ATP10B: variants seen among roughly 807,000 people sequenced by gnomAD.
ATP10B encodes the protein ATPase phospholipid transporting 10B (putative).
Under a neutral mutation model 141.2 loss-of-function variants are expected in ATP10B, and 122 were observed. That is an observed-to-expected ratio of 0.86 (90% CI 0.75 to 1.00). The LOEUF is 1.00. Among genes scored for constraint, ATP10B ranks in the 50% least tolerant of loss-of-function variants. ATP10B has a pLI of 0.00. For missense variants in ATP10B, 1,876 were observed against 1,825.3 expected (o/e 1.03, Z -0.51); for synonymous variants, 685 against 692.0 (o/e 0.99, Z 0.16).
At chr5:160,881,411 A>C in the ATP10B span, among the ~76,000 whole-genome samples, 1 of 152,218 alleles carries the variant, frequency 6.6e-6, no homozygotes, top group Non-Finnish European at 1.5e-5. Flanking sequence ...ACATACTATT[A>C]CCATATAATC....
intron 2 of ATP10B, among the ~76,000 whole-genome samples, chr5:160,756,659 A>AT (rs1416912105): frequency 2.0e-5 from 3 of 151,630 alleles, no homozygotes; most frequent in Non-Finnish European, 2.9e-5. Context: ...GCCATCCGTA[A>AT]TTTTTTTGAT....
chr5:160,634,255 C>T, intron 12 of ATP10B, 99 bp downstream of exon 12: 3 of 1,571,082 alleles, frequency 1.9e-6, no homozygotes, highest in Non-Finnish European at 2.6e-6. Flanking sequence ...CACACAGCCT[C>T]TAAGAGAGCC....
chr5:160,897,359 T>C, the ATP10B span, among the ~76,000 whole-genome samples: 1 of 152,118 alleles, frequency 6.6e-6, no homozygotes, highest in African/African-American at 2.4e-5. Flanking sequence ...AGATAAGAAA[T>C]CAATGTGTAA....
intron 1 of ATP10B, among the ~76,000 whole-genome samples, chr5:160,825,323 ATAATT>A (rs1419318587): frequency 6.6e-6 from 1 of 152,130 alleles, no homozygotes; most frequent in African/African-American, 2.4e-5. Flanking sequence ...CCAGTGGGAG[ATAATT>A]TAATCATGGG....
the ATP10B span, among the ~76,000 whole-genome samples, chr5:160,924,582 G>C: frequency 1.3e-5 from 2 of 152,194 alleles, no homozygotes; most frequent in Non-Finnish European, 2.9e-5. Context: ...GTGATCGTGT[G>C]CTGGGATTGC....
chr5:160,829,068 G>T, intron 1 of ATP10B, among the ~76,000 whole-genome samples: 1 of 99,710 alleles, frequency 1.0e-5, no homozygotes, highest in African/African-American at 3.9e-5. Flanking sequence ...GGGGTGGGGG[G>T]AGGGGGGAGG....
intron 1 of ATP10B, among the ~76,000 whole-genome samples, chr5:160,813,876 C>G (rs905634473): frequency 6.6e-6 from 1 of 152,240 alleles, no homozygotes; most frequent in African/African-American, 2.4e-5. Flanking sequence ...CAAACAGGGT[C>G]TGGAGTGGAC....
chr5:160,649,686 T>C (rs1760563271), intron 7 of ATP10B, among the ~76,000 whole-genome samples: 1 of 152,330 alleles, frequency 6.6e-6, no homozygotes, highest in Admixed American at 6.5e-5. Context: ...TAAGCTTAAA[T>C]AGCTACATGT....
At chr5:160,891,042 T>C in the ATP10B span, among the ~76,000 whole-genome samples, 1 of 152,102 alleles carries the variant, frequency 6.6e-6, no homozygotes, top group South Asian at 2.1e-4. Flanking sequence ...TTTGAATAAC[T>C]GTTTTTAATT....
intron 7 of ATP10B, among the ~76,000 whole-genome samples, chr5:160,665,272 T>C (rs371681919): frequency 8.6e-4 from 131 of 152,356 alleles, no homozygotes; most frequent in African/African-American, 3.0e-3. Context: ...AGAAGTTCTT[T>C]AATGTTTATA....
intron 22 of ATP10B, among the ~76,000 whole-genome samples, chr5:160,591,855 G>A (rs886441347): frequency 4.6e-5 from 7 of 152,168 alleles, no homozygotes; most frequent in Non-Finnish European, 8.8e-5. Flanking sequence ...CCCTTCGTCT[G>A]GACTGCTTGG....
chr5:160,701,943 G>T (rs1040879473), intron 3 of ATP10B, among the ~76,000 whole-genome samples: 10 of 150,448 alleles, frequency 6.6e-5, no homozygotes, highest in African/African-American at 2.5e-4. Context: ...TCTCCCGAGG[G>T]CCTCTTGGGA....
At chr5:160,837,566 A>T (rs1018395636) in intron 1 of ATP10B, among the ~76,000 whole-genome samples, 1 of 152,164 alleles carries the variant, frequency 6.6e-6, no homozygotes, top group Non-Finnish European at 1.5e-5. Context: ...TTTTTTCAGT[A>T]AAATCACAAC....
chr5:160,900,894 TG>T, the ATP10B span, among the ~76,000 whole-genome samples: 5 of 147,052 alleles, frequency 3.4e-5, no homozygotes, highest in Admixed American at 7.0e-5. Context: ...TAAATCCTTT[TG>T]GGGGGTAGAG....
chr5:160,755,483 TA>T (rs1768459830), intron 2 of ATP10B, among the ~76,000 whole-genome samples: 1 of 152,098 alleles, frequency 6.6e-6, no homozygotes, highest in African/African-American at 2.4e-5. Context: ...TATAAATATG[TA>T]AAATATGATA....
At chr5:160,741,629 G>A (rs1305650003) in intron 2 of ATP10B, among the ~76,000 whole-genome samples, 3 of 152,146 alleles carry the variant, frequency 2.0e-5, no homozygotes, top group South Asian at 2.1e-4. Context: ...TGTTTTGTAC[G>A]TTACATTTTT....
intron 3 of ATP10B, among the ~76,000 whole-genome samples, chr5:160,706,826 A>T (rs11747513): frequency 0.013 from 2,018 of 152,320 alleles, 17 homozygotes; most frequent in Non-Finnish European, 0.022. Flanking sequence ...CTTAAATTAG[A>T]AAGTATTTCA....
intron 22 of ATP10B, among the ~76,000 whole-genome samples, chr5:160,593,250 C>T (rs552818381): frequency 2.0e-5 from 3 of 152,300 alleles, no homozygotes; most frequent in East Asian, 1.9e-4. Flanking sequence ...CAGCAGCATT[C>T]GCAGTTCACA....
chr5:160,603,082 G>A (rs566845508), intron 20 of ATP10B: 2 of 177,544 alleles, frequency 1.1e-5, no homozygotes, highest in Non-Finnish European at 2.4e-5. Context: ...ACCACCCCCT[G>A]AGTCAGGCCA....
Sources: allele counts gnomAD v4.1 joint callset (sites outside exome capture counted in the v4.1 genomes callset), GRCh38; gene constraint gnomAD v4.1.1; transcripts MANE v1.5; gene names NCBI Gene and HGNC (gene_info 2026-07-23, HGNC 2026-07-21).